Variants in GLRA1 observed in about 807,000 individuals in gnomAD.
GLRA1 encodes the protein glycine receptor subunit alpha-1.
Under a neutral mutation model 48.3 loss-of-function variants are expected in GLRA1, and 37 were observed. The ratio of observed to expected loss-of-function variants is 0.77; its 90% CI spans 0.59 to 1.01. The LOEUF is 1.01. Ranked by LOEUF, GLRA1 falls within the 50% of genes least tolerant of loss-of-function variation. The pLI, the probability that GLRA1 is intolerant of heterozygous loss-of-function variation, is 0.00. For missense variants in GLRA1, 427 were observed against 571.0 expected (o/e 0.75, Z 2.57); for synonymous variants, 196 against 210.7 (o/e 0.93, Z 0.60).
chr5:151,881,365 T>C (rs1395751393), intron 3 of GLRA1, among the ~76,000 whole-genome samples: 1 of 150,530 alleles, frequency 6.6e-6, no homozygotes, highest in Admixed American at 6.6e-5. Context: ...TGTTGCCCAG[T>C]CTTGAGTGCA....
intron 8 of GLRA1, 71 bp from the exon 9 acceptor site, chr5:151,823,034 C>A (rs781595450): frequency 1.5e-6 from 2 of 1,344,502 alleles, no homozygotes; most frequent in South Asian, 1.4e-5. Context: ...GCAAGGCACT[C>A]CCTTGGGGGC....
intron 1 of GLRA1, among the ~76,000 whole-genome samples, 168 bp from the exon 2 acceptor site, chr5:151,892,606 C>A (rs1171485792): frequency 6.6e-6 from 1 of 152,208 alleles, no homozygotes; most frequent in Non-Finnish European, 1.5e-5. Flanking sequence ...ATTGTTTACC[C>A]AGCCCAAATA....
At chr5:151,850,738 A>G in intron 7 of GLRA1, 4 of 1,041,266 alleles carry the variant, frequency 3.8e-6, no homozygotes, top group Non-Finnish European at 6.1e-6. Context: ...AGAAGCCCTC[A>G]TCAACACGTG....
intron 1 of GLRA1, among the ~76,000 whole-genome samples, chr5:151,909,911 A>G (rs1197537014): frequency 6.6e-6 from 1 of 151,098 alleles, no homozygotes; most frequent in Non-Finnish European, 1.5e-5. Context: ...TTTTTTTGTC[A>G]TGAGTAGGAG....
chr5:151,915,089 C>T (rs1003952241), intron 1 of GLRA1, among the ~76,000 whole-genome samples: 1 of 152,128 alleles, frequency 6.6e-6, no homozygotes, highest in Non-Finnish European at 1.5e-5. Context: ...ATGTATCAGT[C>T]TTGTCTCCTG....
At chr5:151,894,143 GT>G (rs1754172015) in intron 1 of GLRA1, among the ~76,000 whole-genome samples, 1 of 152,140 alleles carries the variant, frequency 6.6e-6, no homozygotes, top group South Asian at 2.1e-4. Flanking sequence ...GAATGTATGT[GT>G]GTGTGCGTGT....
intron 7 of GLRA1, among the ~76,000 whole-genome samples, chr5:151,838,480 T>C (rs1355215553): frequency 6.6e-6 from 1 of 151,384 alleles, no homozygotes; most frequent in African/African-American, 2.4e-5. Flanking sequence ...AAAAAAGAAA[T>C]GATAAAGAAG....
chr5:151,902,921 T>C (rs1754398340), intron 1 of GLRA1, among the ~76,000 whole-genome samples: 3 of 152,248 alleles, frequency 2.0e-5, no homozygotes, highest in Admixed American at 1.3e-4. Flanking sequence ...ACTATATTAA[T>C]GATGAATGTG....
intron 3 of GLRA1, among the ~76,000 whole-genome samples, chr5:151,880,833 A>G (rs947542413): frequency 3.3e-4 from 51 of 152,372 alleles, no homozygotes; most frequent in African/African-American, 1.2e-3. Context: ...ACATACTTAA[A>G]TATCTCTTTA....
intron 7 of GLRA1, among the ~76,000 whole-genome samples, chr5:151,839,150 A>G (rs2113311839): frequency 6.6e-6 from 1 of 152,364 alleles, no homozygotes; most frequent in Middle Eastern, 3.4e-3. Flanking sequence ...TTTCTCAAGA[A>G]TTCTGTATCC....
chr5:151,860,953 A>G (rs1296972076), intron 3 of GLRA1, among the ~76,000 whole-genome samples: 6 of 151,930 alleles, frequency 3.9e-5, no homozygotes, highest in Non-Finnish European at 8.8e-5. Context: ...TTCAGTTCCC[A>G]CCTATGAGTG....
chr5:151,875,103 A>G lies in GLRA1; in HGVS notation c.252+11618T>C, dbSNP rs148171341. Among the ~76,000 whole-genome samples, 407 of 152,262 alleles carry G rather than the reference A, an allele frequency of 2.7e-3. 2 individuals are homozygous for G. Among genetic ancestry groups the G allele is most frequent in the Admixed American group, 4.6e-3 (71 of 15,296 alleles). ...TCATTTGATCAACTGATCCCAGGAT[A>G]GGTTGACTTTGACTTGTGACTAAAT... On this transcript the variant is annotated intron_variant, in intron 3 of 8. Transcript: ENST00000274576.
chr5:151,885,473 C>T lies in GLRA1; in HGVS notation c.252+1248G>A, dbSNP rs148233914. On this transcript the variant is annotated intron_variant, in intron 3 of 8. Coordinates refer to ENST00000274576, the MANE Select transcript of GLRA1 (RefSeq NM_000171.4). ...CCATCCCAGCCTTGGGTGAAGGGCACACGTGAACTCACACACACGTACGCG... is the reference window on the plus strand; with the variant it reads ...CCATCCCAGCCTTGGGTGAAGGGCATACGTGAACTCACACACACGTACGCG... 1.7e-3 allele frequency among the ~76,000 whole-genome samples: 265 copies of T among 152,310 alleles called. 1 individual carries two copies. In the Middle Eastern group the frequency reaches 0.024, roughly 14 times the overall value.
intron 7 of GLRA1, among the ~76,000 whole-genome samples, chr5:151,840,846 C>T (rs1763696829): frequency 6.6e-6 from 1 of 151,892 alleles, no homozygotes; most frequent in Non-Finnish European, 1.5e-5. Context: ...CAATTATAAA[C>T]ATCTATGCAT....
chr5:151,859,956 G>T lies in GLRA1; in HGVS notation c.305C>A (p.Ala102Asp). The T allele has an allele frequency of 6.2e-7, 1 of 1,614,076 alleles. No homozygotes were observed. The highest frequency in any genetic ancestry group is 8.5e-7 in the Non-Finnish European group (1 of 1,179,976). The change falls in exon 4 of 9, where the codon GCC becomes GAC. Residue 102 changes from alanine (A) to aspartate (D), a missense_variant. Around this residue, in one of 4 missense-constraint regions of GLRA1, gnomAD observed 271 missense variants for 434.9 expected, o/e 0.62. Coordinates refer to ENST00000274576, the MANE Select transcript of GLRA1 (RefSeq NM_000171.4). ...AGAGTCGTCAGGGTATTCATTATAGGCCAGGCGGGGGTCGTTCCATTGCTG... is the reference window on the plus strand; with the variant it reads ...AGAGTCGTCAGGGTATTCATTATAGTCCAGGCGGGGGTCGTTCCATTGCTG... ...LRQQWNDPRL[A>D]YNEYPDDSLD...
At chr5:151,888,913 C>T (rs1409829789) in intron 2 of GLRA1, among the ~76,000 whole-genome samples, 2 of 152,192 alleles carry the variant, frequency 1.3e-5, no homozygotes, top group Admixed American at 6.5e-5. Flanking sequence ...CTTGTCACTT[C>T]CACCTAAATA....
intron 1 of GLRA1, among the ~76,000 whole-genome samples, chr5:151,922,201 G>A (rs1211764286): frequency 2.0e-5 from 3 of 152,174 alleles, no homozygotes; most frequent in African/African-American, 7.2e-5. Context: ...CCATCCCCTG[G>A]GGAAGAAGGG....
intron 3 of GLRA1, among the ~76,000 whole-genome samples, chr5:151,865,279 A>T (rs1388277162): frequency 6.6e-6 from 1 of 152,190 alleles, no homozygotes; most frequent in Non-Finnish European, 1.5e-5. Context: ...GTGCTAGGGA[A>T]TATAGAAGAC....
chr5:151,855,878 G>A (rs1208557765), intron 5 of GLRA1, among the ~76,000 whole-genome samples: 1 of 152,204 alleles, frequency 6.6e-6, no homozygotes, highest in Non-Finnish European at 1.5e-5. Flanking sequence ...AAGGAAGCAC[G>A]CTTTCTGCCA....
Sources: allele counts gnomAD v4.1 joint callset (sites outside exome capture counted in the v4.1 genomes callset), GRCh38; gene constraint gnomAD v4.1.1; regional missense constraint gnomAD v4.1.1; transcripts MANE v1.5; gene names NCBI Gene and HGNC (gene_info 2026-07-23, HGNC 2026-07-21).